ABCC1: variants seen among roughly 807,000 people sequenced by gnomAD.
The protein encoded by ABCC1 is ATP binding cassette subfamily C member 1 (ABCC1 blood group), also known as multidrug resistance-associated protein 1.
ABCC1 carries 83 observed loss-of-function variants against 172.9 expected under a neutral mutation model. The ratio of observed to expected loss-of-function variants is 0.48; its 90% CI spans 0.40 to 0.58. The LOEUF (loss-of-function observed/expected upper bound fraction) is 0.58, where lower values mean the gene tolerates loss of function less well. Among genes scored for constraint, ABCC1 ranks in the 20% least tolerant of loss-of-function variants. ABCC1 has a pLI of 0.00. For missense variants in ABCC1, 1,817 were observed against 2,002.7 expected, an observed-to-expected ratio of 0.91 and a Z score of 1.77; for synonymous variants, 937 against 825.2, an observed-to-expected ratio of 1.14 and a Z score of -2.32.
At chr16:16,049,250 CCAGAGT>C (rs2049333263) in intron 10 of ABCC1, among the ~76,000 whole-genome samples, 1 of 152,154 alleles carries the variant, frequency 6.6e-6, no homozygotes. Flanking sequence ...CTCTGCACAG[CCAGAGT>C]CAGTCTCAGA....
Position 16,014,495 on chromosome 16 carries a change from T to C in ABCC1, c.356T>C (p.Leu119Pro), listed in dbSNP as rs1443521240. 3 of 1,613,766 alleles carry C rather than the reference T, an allele frequency of 1.9e-6. No individual in the cohort carries two copies. In the African/African-American group the frequency reaches 4.0e-5, roughly 22 times the overall value. Residue 119 changes from leucine to proline, a missense_variant, in exon 4 of 31, where the codon CTT (leucine) becomes CCT (proline). Physicochemically the swap from Leu to Pro is moderately conservative, Grantham distance 98 (BLOSUM62 -3). This residue lies in a region of ABCC1 where 398 missense variants were observed against 384.2 expected (regional missense o/e 1.04). Coordinates refer to ENST00000399410, the MANE Select transcript of ABCC1 (RefSeq NM_004996.4). ...SPTLLGITML[L>P]ATFLIQLERR... ...GTCTTGTGCTTCTCTCCTCAGCTGC[T>C]TGCTACCTTTTTAATTCAGCTGGAG...
chr16:16,111,126 C>G (rs1278437014), intron 21 of ABCC1, among the ~76,000 whole-genome samples: 2 of 152,160 alleles, frequency 1.3e-5, no homozygotes, highest in African/African-American at 4.8e-5. Context: ...CTCGAAGTCT[C>G]TACCTCAGTT....
chr16:16,132,907 A>G (rs896115089), intron 27 of ABCC1, among the ~76,000 whole-genome samples: 1 of 152,168 alleles, frequency 6.6e-6, no homozygotes, highest in Non-Finnish European at 1.5e-5. Context: ...TTGGAAGATC[A>G]GAACATCTGG....
chr16:15,990,029 AC>A (rs768826067), intron 1 of ABCC1, among the ~76,000 whole-genome samples: 81 of 152,032 alleles, frequency 5.3e-4, no homozygotes, highest in Non-Finnish European at 4.9e-4. Context: ...GGTGTGAGCC[AC>A]TGTGCCTGGC....
chr16:16,116,030 G>A (rs1041449752), intron 23 of ABCC1, among the ~76,000 whole-genome samples: 6 of 151,568 alleles, frequency 4.0e-5, no homozygotes, highest in African/African-American at 1.5e-4. Context: ...AGCCTCCCGA[G>A]TAGCTGGGAC....
At position 16,009,759 on chromosome 16, in the gene ABCC1, A is replaced by G. The variant is rs777159897; in HGVS notation, c.226-17A>G. The G allele has an allele frequency of 1.3e-6, 2 of 1,598,630 alleles. No homozygotes were observed. The highest frequency in any genetic ancestry group is 1.7e-5 in the Admixed American group (1 of 58,030). ...CAGGGCGGTCTGTTGTAGGATATGT[A>G]TGTGCTTCTCTTCCAGGCCTTGGGA... On this transcript the variant is annotated splice_polypyrimidine_tract_variant and intron_variant, in intron 2 of 30. Coordinates refer to ENST00000399410, the MANE Select transcript of ABCC1 (RefSeq NM_004996.4).
intron 23 of ABCC1, among the ~76,000 whole-genome samples, chr16:16,121,561 C>T (rs2045159175): frequency 6.6e-6 from 1 of 152,214 alleles, no homozygotes; most frequent in Admixed American, 6.5e-5. Flanking sequence ...TAGCACTTTG[C>T]AGCCCAGATG....
At chr16:16,056,776 T>C (rs905826570) in intron 12 of ABCC1, among the ~76,000 whole-genome samples, 1 of 152,136 alleles carries the variant, frequency 6.6e-6, no homozygotes, top group Non-Finnish European at 1.5e-5. Flanking sequence ...CTTAGCAGCT[T>C]CTAGCCAACC....
chr16:15,978,785 G>A (rs1021968409), intron 1 of ABCC1, among the ~76,000 whole-genome samples: 3 of 152,090 alleles, frequency 2.0e-5, no homozygotes, highest in African/African-American at 7.2e-5. Flanking sequence ...CTCAGAGGAC[G>A]TTCATTGATG....
chr16:16,000,545 G>C (rs2047271763), intron 1 of ABCC1, among the ~76,000 whole-genome samples: 1 of 152,138 alleles, frequency 6.6e-6, no homozygotes, highest in African/African-American at 2.4e-5. Flanking sequence ...ATCTACATCT[G>C]CTCAATTAGG....
chr16:15,973,947 C>T (rs940715916), intron 1 of ABCC1, among the ~76,000 whole-genome samples: 6 of 152,066 alleles, frequency 3.9e-5, no homozygotes, highest in South Asian at 2.1e-4. Flanking sequence ...ATTGCACCAC[C>T]GTATTCCAGC....
At chr16:16,102,370 G>A (rs760464498) in intron 19 of ABCC1, among the ~76,000 whole-genome samples, 1 of 152,208 alleles carries the variant, frequency 6.6e-6, no homozygotes, top group Non-Finnish European at 1.5e-5. Flanking sequence ...CTCAGGCCCA[G>A]TGCCCTCAGT....
At chr16:16,071,472 TTTTG>T (rs945461025) in intron 13 of ABCC1, among the ~76,000 whole-genome samples, 166 bp from the exon 14 acceptor site, 5 of 152,170 alleles carry the variant, frequency 3.3e-5, no homozygotes, top group African/African-American at 1.2e-4. Flanking sequence ...TCTTTTTTTG[TTTTG>T]TTTAATTCTA....
At position 16,068,221 on chromosome 16, in the gene ABCC1, A is replaced by G; in HGVS notation, c.1743A>G (p.Thr581=). 6.2e-7 allele frequency: 1 copy of G among 1,614,186 alleles called. No individual in the cohort carries two copies. The change falls in exon 13 of 31, where the codon ACA becomes ACG. Residue 581 remains threonine (T), a synonymous_variant. Transcript: ENST00000399410. The part of the protein sequence containing the change: ...IDENNILDAQ[T]AFVSLALFNI... ...AGAACAACATCCTGGATGCCCAGAC[A>G]GCCTTCGTGTCTTTGGCCTTGTTCA...
chr16:16,041,214 G>C (rs2048966956), intron 7 of ABCC1, among the ~76,000 whole-genome samples: 1 of 151,818 alleles, frequency 6.6e-6, no homozygotes, highest in South Asian at 2.1e-4. Flanking sequence ...TTACAGGCGT[G>C]AGCCACTGTG....
intron 1 of ABCC1, among the ~76,000 whole-genome samples, chr16:15,996,373 C>T (rs1243562290): frequency 6.6e-6 from 1 of 152,206 alleles, no homozygotes; most frequent in Non-Finnish European, 1.5e-5. Flanking sequence ...ATCCTCCTGC[C>T]TCTGCCTCTT....
intron 11 of ABCC1, 23 bp downstream of exon 11, chr16:16,052,839 C>A: frequency 3.7e-6 from 6 of 1,611,510 alleles, no homozygotes; most frequent in Non-Finnish European, 5.1e-6. Flanking sequence ...TCTCTGCGGG[C>A]CCCCAAGCCG....
At chr16:15,977,294 C>G (rs1215935389) in intron 1 of ABCC1, among the ~76,000 whole-genome samples, 1 of 152,188 alleles carries the variant, frequency 6.6e-6, no homozygotes, top group Non-Finnish European at 1.5e-5. Context: ...GGTTTGAATC[C>G]TAAGTGAAGT....
chr16:16,136,720 G>T (rs2045931420), intron 29 of ABCC1, 76 bp downstream of exon 29: 5 of 1,495,720 alleles, frequency 3.3e-6, no homozygotes, highest in Non-Finnish European at 4.5e-6. Context: ...TGAAGATTCT[G>T]TCCAGATCTG....
Sources: allele counts gnomAD v4.1 joint callset (sites outside exome capture counted in the v4.1 genomes callset), GRCh38; gene constraint gnomAD v4.1.1; regional missense constraint gnomAD v4.1.1; transcripts MANE v1.5; gene names NCBI Gene and HGNC (gene_info 2026-07-23, HGNC 2026-07-21).